The following AGAP1 variants were observed in gnomAD, a reference collection of about 807,000 sequenced individuals.
The protein encoded by AGAP1 is ArfGAP with GTPase domain, ankyrin repeat and PH domain 1, also known as arf-GAP with GTPase, ANK repeat and PH domain-containing protein 1.
Under a neutral mutation model 105.3 loss-of-function variants are expected in AGAP1, and 29 were observed. That is an observed-to-expected ratio of 0.28 (90% CI 0.21 to 0.38). AGAP1 has a LOEUF of 0.38. Among genes scored for constraint, AGAP1 ranks in the 10% least tolerant of loss-of-function variants. The pLI is 1.00. For synonymous variants in AGAP1, 509 were observed against 485.9 expected, an observed-to-expected ratio of 1.05 and a Z score of -0.63; for missense variants, 998 against 1,165.1, an observed-to-expected ratio of 0.86 and a Z score of 2.09.
rs560049330 is a variant in AGAP1, at chr2:235,893,442, A to G, written c.1155+9993A>G. ...GGGTGTGCCGTGTCCATCATAAGGA[A>G]GAGCTGTGTCTGTGGTGCGGGTGCA... On this transcript the variant is annotated intron_variant, in intron 10 of 17. Transcript: ENST00000304032. The surrounding 1 kb of genome is among the most constrained non-coding windows in gnomAD (Gnocchi z 4.7). Among the ~76,000 whole-genome samples, 48 of 141,976 alleles carry G rather than the reference A, an allele frequency of 3.4e-4. No individual in the cohort carries two copies. Among genetic ancestry groups the G allele is most frequent in the African/African-American group, 1.2e-3 (46 of 37,444 alleles). 93.1% of individuals were successfully genotyped at this position (141,976 alleles called of 152,430 possible).
chr2:235,776,944 G>A (rs1437485691), intron 6 of AGAP1: 2 of 471,102 alleles, frequency 4.2e-6, no homozygotes, highest in African/African-American at 2.0e-5. Context: ...GGAAAAGCTG[G>A]GGCCGTGCTC....
At chr2:235,670,325 G>C in intron 1 of AGAP1, 1 of 480,590 alleles carries the variant, frequency 2.1e-6, no homozygotes. Context: ...GGCCGAGGAG[G>C]CGGAGGGCGC....
rs545856482 is a variant in AGAP1 at position 235,927,753 on chromosome 2, G to A, written c.1325-3012G>A. 1.9e-3 allele frequency among the ~76,000 whole-genome samples: 287 copies of A among 152,290 alleles called. 1 individual carries two copies. Among genetic ancestry groups the A allele is most frequent in the Non-Finnish European group, 3.2e-3 (216 of 68,018 alleles). On this transcript the variant is annotated intron_variant, in intron 11 of 17. Transcript: ENST00000304032. This position sits in a 1 kb window ranked among gnomAD's most constrained non-coding sequence, Gnocchi z 4.4. Reference sequence around the variant, plus strand: ...TTGTTCTGGAAGGTTTCTAGGCCTGGTTGTCATCGGAGAACCACTCTCCAG... The same window carrying A: ...TTGTTCTGGAAGGTTTCTAGGCCTGATTGTCATCGGAGAACCACTCTCCAG...
At chr2:235,762,805 A>G (rs1365566845) in intron 6 of AGAP1, among the ~76,000 whole-genome samples, 1 of 152,140 alleles carries the variant, frequency 6.6e-6, no homozygotes. Flanking sequence ...CCCAGGAGGC[A>G]GAGGTTGTGG....
At chr2:235,783,803 C>G (rs1411690503) in intron 6 of AGAP1, among the ~76,000 whole-genome samples, 1 of 152,116 alleles carries the variant, frequency 6.6e-6, no homozygotes, top group Non-Finnish European at 1.5e-5. Flanking sequence ...TACACGGCAT[C>G]TGTCAACATT....
In AGAP1 at chr2:236,036,985, T is replaced by C. The variant is rs895328335; in HGVS notation, c.1800+270T>C. 6.6e-6 allele frequency among the ~76,000 whole-genome samples: 1 copy of C among 152,204 alleles called. No individual in the cohort carries two copies. The highest frequency in any genetic ancestry group is 2.1e-4 in the South Asian group (1 of 4,832). ...GTCAGCCAATCCCAGAGGGAATCTT[T>C]TGGACTCTTGTGGCTTCTGGGTCCA... is the stretch of plus-strand genomic sequence containing the variant. On this transcript the variant is annotated intron_variant, in intron 14 of 17. Coordinates refer to ENST00000304032, the MANE Select transcript of AGAP1 (RefSeq NM_001037131.3). The surrounding 1 kb of genome is among the most constrained non-coding windows in gnomAD (Gnocchi z 5.7).
Position 235,592,499 on chromosome 2 carries a change from T to C in AGAP1, c.163+97650T>C, listed in dbSNP as rs538787697. Among the ~76,000 whole-genome samples, 11 of 152,208 alleles carry C rather than the reference T, an allele frequency of 7.2e-5. No homozygotes were observed. In the South Asian group the frequency reaches 2.3e-3, roughly 32 times the overall value. On this transcript the variant is annotated intron_variant, in intron 1 of 17. Coordinates refer to ENST00000304032, the MANE Select transcript of AGAP1 (RefSeq NM_001037131.3). ...GGGCAGGGCTCCAGGAGAGGCTCAT[T>C]TAGGGCTGACTCCGGGCTTGCGGCT...
Position 236,076,152 on chromosome 2 carries a change from T to G in AGAP1, c.2114+26871T>G, listed in dbSNP as rs1052243493. On this transcript the variant is annotated intron_variant, in intron 16 of 17. Transcript: ENST00000304032. The surrounding 1 kb of genome is among the most constrained non-coding windows in gnomAD (Gnocchi z 4.4). Reference sequence around the variant, plus strand: ...GGTTTCACAAGAGAATATTGTGGAGTTTTTTAAAGTCTTGAGGCGGGGCGC... The same window carrying G: ...GGTTTCACAAGAGAATATTGTGGAGGTTTTTAAAGTCTTGAGGCGGGGCGC... Among the ~76,000 whole-genome samples, 1 of 151,656 alleles carries G rather than the reference T, an allele frequency of 6.6e-6. No homozygotes were observed. The highest frequency in any genetic ancestry group is 2.4e-5 in the African/African-American group (1 of 41,240).
intron 1 of AGAP1, among the ~76,000 whole-genome samples, chr2:235,682,903 C>A (rs185683870): frequency 2.0e-5 from 3 of 152,154 alleles, no homozygotes; most frequent in Non-Finnish European, 4.4e-5. Flanking sequence ...CATCTCACCC[C>A]CTCCAACACA....
At chr2:236,013,611 A>G (rs2056594788) in intron 13 of AGAP1, among the ~76,000 whole-genome samples, 1 of 152,026 alleles carries the variant, frequency 6.6e-6, no homozygotes, top group Admixed American at 6.5e-5. Context: ...AGTGCTGCTC[A>G]CCTGCATTAA....
chr2:235,918,010 G>A (rs778857957), intron 11 of AGAP1, among the ~76,000 whole-genome samples: 4 of 152,254 alleles, frequency 2.6e-5, no homozygotes, highest in East Asian at 3.9e-4. Flanking sequence ...AGTTTCAAAC[G>A]GTCTAGAAAA....
At chr2:235,818,707 A>G (rs376878939) in intron 9 of AGAP1, among the ~76,000 whole-genome samples, 2 of 152,266 alleles carry the variant, frequency 1.3e-5, no homozygotes, top group South Asian at 4.1e-4. Context: ...CCTCCTAAGT[A>G]GCTGGGATTA....
chr2:235,831,362 T>C (rs1189395855), intron 9 of AGAP1, among the ~76,000 whole-genome samples: 2 of 152,130 alleles, frequency 1.3e-5, no homozygotes, highest in East Asian at 3.9e-4. Flanking sequence ...GGTTCACTGT[T>C]GGAGTGTGTT....
chr2:235,799,479 C>T lies in AGAP1; in HGVS notation c.914C>T (p.Thr305Met), dbSNP rs1420324645. 7 of 1,614,096 alleles carry T rather than the reference C, an allele frequency of 4.3e-6. No individual in the cohort carries two copies. Among genetic ancestry groups the T allele is most frequent in the East Asian group, 4.5e-5 (2 of 44,898 alleles). Residue 305 changes from threonine to methionine, a missense_variant, in exon 8 of 18, where the codon ACG (threonine) becomes ATG (methionine). Coordinates refer to ENST00000304032, the MANE Select transcript of AGAP1 (RefSeq NM_001037131.3). The surrounding 1 kb of genome is among the most constrained non-coding windows in gnomAD (Gnocchi z 5.0). The part of the protein sequence containing the change: ...IDVPPTANTP[T>M]PVRKQSKRRS... ...GTTCCTCCCACTGCCAACACGCCCA[C>T]GCCCGTTCGCAAGCAGTCTAAGCGC...
chr2:236,110,897 G>C (rs2059622321), intron 16 of AGAP1, among the ~76,000 whole-genome samples: 1 of 152,194 alleles, frequency 6.6e-6, no homozygotes, highest in Non-Finnish European at 1.5e-5. Context: ...GAAAGTCCAA[G>C]ATAGAGGCAC....
chr2:235,759,936 A>T (rs1245312025), intron 6 of AGAP1, among the ~76,000 whole-genome samples: 1 of 152,338 alleles, frequency 6.6e-6, no homozygotes, highest in East Asian at 1.9e-4. Flanking sequence ...AATGAAAAAT[A>T]CTTTTGAGTT....
chr2:236,114,718 T>G lies in AGAP1; in HGVS notation c.2115-5474T>G, dbSNP rs761181781. Among the ~76,000 whole-genome samples the G allele has an allele frequency of 1.3e-5, 2 of 152,182 alleles. No individual in the cohort carries two copies. The highest frequency in any genetic ancestry group is 6.5e-5 in the Admixed American group (1 of 15,278). On this transcript the variant is annotated intron_variant, in intron 16 of 17. Transcript: ENST00000304032. The surrounding 1 kb of genome is among the most constrained non-coding windows in gnomAD (Gnocchi z 5.0). Reference sequence around the variant, plus strand: ...GCTTATTGAATTAGGGCTCTATCTTTATAGCATCATTTAACCTTAATTCTC... The same window carrying G: ...GCTTATTGAATTAGGGCTCTATCTTGATAGCATCATTTAACCTTAATTCTC...
At chr2:235,533,667 A>G (rs867410869) in intron 1 of AGAP1, among the ~76,000 whole-genome samples, 2 of 152,210 alleles carry the variant, frequency 1.3e-5, no homozygotes, top group South Asian at 2.1e-4. Flanking sequence ...TTTTCCTCTA[A>G]TGAAAAGGAA....
intron 1 of AGAP1, among the ~76,000 whole-genome samples, chr2:235,681,843 C>CTTTT (rs56934868): frequency 3.8e-4 from 30 of 78,330 alleles, no homozygotes; most frequent in Non-Finnish European, 5.7e-4. Context: ...ATTTAGTTTG[C>CTTTT]TTTTTTTTTT....
Sources: gnomAD v4.1 joint callset for allele counts (sites outside exome capture counted in the v4.1 genomes callset) on GRCh38, gnomAD v4.1.1 for gene constraint, Gnocchi (gnomAD v3.1) non-coding constraint, MANE v1.5 for transcripts, NCBI Gene and HGNC (gene_info 2026-07-23, HGNC 2026-07-21) for gene names.